WDR25: variants seen among roughly 807,000 people sequenced by gnomAD.
The protein encoded by WDR25 is WD repeat domain 25, also known as WD repeat-containing protein 25.
In WDR25, 35 loss-of-function variants were observed where a neutral mutation model predicts 47.7. The ratio of observed to expected loss-of-function variants is 0.73; its 90% confidence interval spans 0.56 to 0.97. WDR25 has a LOEUF of 0.97. Among genes scored for constraint, WDR25 ranks in the 50% least tolerant of loss-of-function variants. The probability of loss-of-function intolerance (pLI) is 0.00; values close to 1 mark genes in which losing one functional copy is unlikely to be tolerated. For synonymous variants in WDR25, 248 were observed against 278.9 expected, an observed-to-expected ratio of 0.89 and a Z score of 1.10; for missense variants, 634 against 704.7, an observed-to-expected ratio of 0.90 and a Z score of 1.14.
rs1281823605 is a variant in WDR25, at chr14:100,428,440, A to G, written c.823-39581A>G. On this transcript the variant is annotated intron_variant, in intron 2 of 6. Transcript: ENST00000402312. This position sits in a 1 kb window ranked among gnomAD's most constrained non-coding sequence, Gnocchi z 4.3. ...ACTCACCAGCCTGGTGTGGGCAGCC[A>G]TTTTAGCCTTTCTGGGCCTCAGCGT... Among the ~76,000 whole-genome samples the G allele has an allele frequency of 6.6e-6, 1 of 152,150 alleles. No homozygotes were observed. The highest frequency in any genetic ancestry group is 1.5e-5 in the Non-Finnish European group (1 of 68,032).
intron 2 of WDR25, among the ~76,000 whole-genome samples, chr14:100,447,984 G>A (rs1027876986): frequency 1.1e-4 from 17 of 152,098 alleles, no homozygotes; most frequent in Admixed American, 7.2e-4. Context: ...ACCTGAGGTC[G>A]GGAGTTCGAG....
intron 3 of WDR25, among the ~76,000 whole-genome samples, chr14:100,471,084 G>A (rs886814063): frequency 2.0e-5 from 3 of 152,208 alleles, no homozygotes; most frequent in African/African-American, 7.2e-5. Context: ...GGAGAGAATG[G>A]TTGAGGGATT....
At position 100,500,894 on chromosome 14, in the gene WDR25, T is replaced by TA. The variant is rs140353833; in HGVS notation, c.1101+16772dup. Among the ~76,000 whole-genome samples, 1,744 of 152,326 alleles carry TA rather than the reference T, an allele frequency of 0.011. 30 individuals carry two copies. Among genetic ancestry groups the TA allele is most frequent in the African/African-American group, 0.04 (1,648 of 41,552 alleles). On this transcript the variant is annotated intron_variant, in intron 4 of 6. Transcript: ENST00000402312. The surrounding 1 kb of genome is among the most constrained non-coding windows in gnomAD (Gnocchi z 4.7). ...GAGGATCAACACACAAATACATGTGTAATTGTCTATTTCTGCTTTTCTTCC... is the reference window on the plus strand; with the variant it reads ...GAGGATCAACACACAAATACATGTGTAAATTGTCTATTTCTGCTTTTCTTCC...
chr14:100,445,632 G>A (rs1485824594), intron 2 of WDR25, among the ~76,000 whole-genome samples: 1 of 152,134 alleles, frequency 6.6e-6, no homozygotes, highest in Admixed American at 6.5e-5. Flanking sequence ...GGGCTGAGAC[G>A]GGGACAGGAT....
At chr14:100,511,428 T>G (rs1439029407) in intron 4 of WDR25, among the ~76,000 whole-genome samples, 1 of 152,226 alleles carries the variant, frequency 6.6e-6, no homozygotes, top group Non-Finnish European at 1.5e-5. Context: ...TCTTTGTAGA[T>G]TCTATTGGAT....
intron 5 of WDR25, among the ~76,000 whole-genome samples, chr14:100,526,911 G>A: frequency 3.8e-5 from 1 of 26,322 alleles, no homozygotes; most frequent in Non-Finnish European, 1.0e-4. Context: ...TGTCATCATT[G>A]TCACTACTAC....
intron 4 of WDR25, among the ~76,000 whole-genome samples, chr14:100,501,904 AGAG>A (rs2140349084): frequency 6.6e-6 from 1 of 152,270 alleles, no homozygotes; most frequent in Non-Finnish European, 1.5e-5. Flanking sequence ...GGCAATGCAG[AGAG>A]GAGGATGGTG....
intron 2 of WDR25, among the ~76,000 whole-genome samples, chr14:100,414,704 A>C (rs575340265): frequency 1.3e-5 from 2 of 152,254 alleles, no homozygotes; most frequent in South Asian, 4.1e-4. Flanking sequence ...CTGCAGGCTC[A>C]TATGGTAATT....
intron 2 of WDR25, among the ~76,000 whole-genome samples, chr14:100,452,445 G>C (rs1899066422): frequency 6.6e-6 from 1 of 152,256 alleles, no homozygotes; most frequent in African/African-American, 2.4e-5. Context: ...AGCTGGCTAA[G>C]ATGAAGGGGA....
intron 4 of WDR25, among the ~76,000 whole-genome samples, chr14:100,518,906 AAAG>A (rs1901601944): frequency 6.6e-6 from 1 of 152,080 alleles, no homozygotes; most frequent in Non-Finnish European, 1.5e-5. Context: ...AAAAAAAAAA[AAAG>A]GACTCTGTTG....
chr14:100,460,114 T>A (rs1236693683), intron 2 of WDR25, among the ~76,000 whole-genome samples: 5 of 78,042 alleles, frequency 6.4e-5, no homozygotes, highest in Non-Finnish European at 7.7e-5. Context: ...GATACAAAAT[T>A]TTTTTTTTTT....
chr14:100,493,206 G>C (rs1246772325), intron 4 of WDR25, among the ~76,000 whole-genome samples: 1 of 152,146 alleles, frequency 6.6e-6, no homozygotes, highest in African/African-American at 2.4e-5. Context: ...TGTGTTTGCA[G>C]GGTTATGCAG....
intron 3 of WDR25, among the ~76,000 whole-genome samples, chr14:100,479,568 A>G (rs1386295072): frequency 6.6e-6 from 1 of 152,184 alleles, no homozygotes; most frequent in Non-Finnish European, 1.5e-5. Context: ...CATCTCCTTG[A>G]TGACTTAAAA....
chr14:100,504,666 T>G lies in WDR25; in HGVS notation c.1101+20542T>G, dbSNP rs139925849. ...AGTTGTCTCCAGTTTTTGGCTGTTA[T>G]GAGTAAAGCTGCTGAGAACGTTCAT... On this transcript the variant is annotated intron_variant, in intron 4 of 6. Transcript: ENST00000402312. The G allele has an allele frequency of 2.6e-5, 4 of 152,386 alleles. No individual in the cohort carries two copies. In the South Asian group the frequency reaches 8.3e-4, roughly 32 times the overall value. The allele number at this position is 152,386 out of a possible 1,614,324, so 9.4% of individuals were successfully genotyped here. A position where few individuals can be genotyped will look rare whatever the true frequency, so the allele number is the denominator to read the frequency against.
At chr14:100,457,387 C>G (rs1899240507) in intron 2 of WDR25, among the ~76,000 whole-genome samples, 3 of 152,204 alleles carry the variant, frequency 2.0e-5, no homozygotes, top group Non-Finnish European at 4.4e-5. Context: ...TGCCAGAAGA[C>G]AGTGGAACAC....
Position 100,506,121 on chromosome 14 carries a change from G to A in WDR25, c.1102-19749G>A, listed in dbSNP as rs907184214. Among the ~76,000 whole-genome samples, 10 of 152,058 alleles carry A rather than the reference G, an allele frequency of 6.6e-5. No homozygotes were observed. Among genetic ancestry groups the A allele is most frequent in the African/African-American group, 2.4e-4 (10 of 41,404 alleles). ...TATTGTGCCATCTTTATTTCCACAA[G>A]TACCCAAAGTTTAGCTTCCACTTAT... On this transcript the variant is annotated intron_variant, in intron 4 of 6. Transcript: ENST00000402312. The surrounding 1 kb of genome is among the most constrained non-coding windows in gnomAD (Gnocchi z 4.8).
chr14:100,471,360 C>CG (rs1899826029), intron 3 of WDR25, among the ~76,000 whole-genome samples: 2 of 152,146 alleles, frequency 1.3e-5, no homozygotes, highest in African/African-American at 4.8e-5. Flanking sequence ...CAGGGCTGGT[C>CG]GGGGGGCCTC....
In WDR25 at chr14:100,529,669, C is replaced by A; in HGVS notation, c.1414-151C>A. ...CATCAGGGCTCTACAGCCTCATGGG[C>A]GGGACCTGGGCTTTGGCCTCAGGGA... is the stretch of plus-strand genomic sequence containing the variant. On this transcript the variant is annotated intron_variant, in intron 6 of 6. Transcript: ENST00000402312. The surrounding 1 kb of genome is among the most constrained non-coding windows in gnomAD (Gnocchi z 5.1). 1 of 843,786 alleles carries A rather than the reference C, an allele frequency of 1.2e-6. No individual in the cohort carries two copies. 52.3% of individuals were successfully genotyped at this position (843,786 alleles called of 1,614,324 possible). A position where few individuals can be genotyped will look rare whatever the true frequency, so the allele number is the denominator to read the frequency against.
chr14:100,381,888 G>T (rs1595484709), intron 2 of WDR25, 142 bp downstream of exon 2: 4 of 708,848 alleles, frequency 5.6e-6, no homozygotes, highest in East Asian at 2.7e-5. Flanking sequence ...TTCCAGAAAG[G>T]GTCATCTGTG....
Sources: gnomAD v4.1 joint callset for allele counts (sites outside exome capture counted in the v4.1 genomes callset) on GRCh38, gnomAD v4.1.1 for gene constraint, Gnocchi (gnomAD v3.1) non-coding constraint, MANE v1.5 for transcripts, NCBI Gene and HGNC (gene_info 2026-07-23, HGNC 2026-07-21) for gene names.